The following PTK2B variants were observed in gnomAD, a reference collection of about 807,000 sequenced individuals.
The protein encoded by PTK2B is protein-tyrosine kinase 2-beta.
Under a neutral mutation model 142.9 loss-of-function variants are expected in PTK2B, and 71 were observed. That is an observed-to-expected ratio of 0.50 (90% CI 0.41 to 0.61). The LOEUF (loss-of-function observed/expected upper bound fraction) is 0.61, where lower values mean the gene tolerates loss of function less well. Among genes scored for constraint, PTK2B ranks in the 20% least tolerant of loss-of-function variants. The pLI is 0.00. For missense variants in PTK2B, 1,105 were observed against 1,320.4 expected (o/e 0.84, Z 2.53); for synonymous variants, 519 against 503.4 (o/e 1.03, Z -0.42).
intron 1 of PTK2B, among the ~76,000 whole-genome samples, chr8:27,389,041 G>A (rs770714775): frequency 6.6e-6 from 1 of 152,174 alleles, no homozygotes; most frequent in Non-Finnish European, 1.5e-5. Flanking sequence ...CTGAGGCCCA[G>A]TAGGCAGGTT....
At chr8:27,337,672 G>A (rs1052887098) in intron 1 of PTK2B, among the ~76,000 whole-genome samples, 4 of 152,170 alleles carry the variant, frequency 2.6e-5, no homozygotes, top group South Asian at 2.1e-4. Flanking sequence ...CCTCCATGTT[G>A]TAACATCTAT....
intron 1 of PTK2B, among the ~76,000 whole-genome samples, chr8:27,329,236 G>T (rs180746763): frequency 6.6e-6 from 1 of 152,158 alleles, no homozygotes; most frequent in Non-Finnish European, 1.5e-5. Context: ...GCGTCTGGCT[G>T]TATGCAATCT....
intron 2 of PTK2B, among the ~76,000 whole-genome samples, chr8:27,401,634 A>T (rs2059968): frequency 0.38 from 57,831 of 152,112 alleles, 11,594 homozygotes; most frequent in Middle Eastern, 0.51. Flanking sequence ...AAGAATTGCT[A>T]AAGTTTGGCT....
chr8:27,438,740 A>G (rs974098765), intron 18 of PTK2B, among the ~76,000 whole-genome samples: 5 of 152,062 alleles, frequency 3.3e-5, no homozygotes, highest in African/African-American at 7.2e-5. Context: ...CAAGCTGGAG[A>G]TGGATGAAGG....
chr8:27,420,545 C>A (rs911011226), intron 3 of PTK2B, 112 bp from the exon 4 acceptor site: 8 of 987,870 alleles, frequency 8.1e-6, no homozygotes, highest in Middle Eastern at 2.7e-4. Flanking sequence ...GACTCATGGG[C>A]AGCCCTTCCC....
rs780332905 is a variant in PTK2B at position 27,419,874 on chromosome 8, CCT to C, written c.205-14_205-13del. On this transcript the variant is annotated intron_variant, in intron 2 of 30. Transcript: ENST00000346049. ...CAAAGGTGGGCACCCCTGAGTCATG[CCT>C]CTCTCTTCTCCTCTGCAGGAGATCA... The C allele has an allele frequency of 1.2e-6, 2 of 1,612,890 alleles. No homozygotes were observed. The highest frequency in any genetic ancestry group is 1.3e-5 in the African/African-American group (1 of 74,912).
intron 5 of PTK2B, among the ~76,000 whole-genome samples, chr8:27,427,347 A>G (rs1810148627): frequency 6.6e-6 from 1 of 151,956 alleles, no homozygotes; most frequent in Admixed American, 6.6e-5. Flanking sequence ...TTGCAAAACC[A>G]CTGTACTTGC....
chr8:27,402,249 G>A (rs1237074732), intron 2 of PTK2B, among the ~76,000 whole-genome samples: 1 of 151,994 alleles, frequency 6.6e-6, no homozygotes, highest in Admixed American at 6.6e-5. Context: ...GGAAGAGGGA[G>A]GTGTGAAGAA....
chr8:27,362,298 G>A lies in PTK2B; in HGVS notation c.-37-35250G>A, dbSNP rs180874541. On this transcript the variant is annotated intron_variant, in intron 1 of 30. Coordinates refer to ENST00000346049, the MANE Select transcript of PTK2B (RefSeq NM_173176.3). ...CCTCCCCTCTCCACTTCCTGGGCGT[G>A]ACTCACAGGCAGGCCCTATCGGCAT... 3.3e-5 allele frequency among the ~76,000 whole-genome samples: 5 copies of A among 152,236 alleles called. No individual in the cohort carries two copies. The East Asian group carries it at 9.7e-4, about 29-fold the overall frequency.
At chr8:27,430,221 C>G in intron 6 of PTK2B, 66 bp downstream of exon 6, 4 of 1,580,862 alleles carry the variant, frequency 2.5e-6, no homozygotes, top group Non-Finnish European at 3.5e-6. Flanking sequence ...TCCTCCTCAC[C>G]CTCTCCTCCA....
At chr8:27,397,408 T>C (rs1481157155) in intron 1 of PTK2B, 140 bp from the exon 2 acceptor site, 2 of 664,864 alleles carry the variant, frequency 3.0e-6, no homozygotes, top group East Asian at 2.7e-5. Context: ...GCCAGGTGCC[T>C]TGCAGGGGAG....
chr8:27,451,978 G>A (rs529822584), intron 27 of PTK2B: 17 of 180,452 alleles, frequency 9.4e-5, no homozygotes, highest in Non-Finnish European at 1.7e-4. Flanking sequence ...GGAGGGAAGA[G>A]CCAGCAGTAA....
rs776535347 is a variant in PTK2B at position 27,454,488 on chromosome 8, A to G, written c.2734-43A>G. Reference sequence around the variant, plus strand: ...TCCCAGGGGAAACCTGGCTCTCTCCAATAGCTAGGAGTGGCGGCCATCCTG... The same window carrying G: ...TCCCAGGGGAAACCTGGCTCTCTCCGATAGCTAGGAGTGGCGGCCATCCTG... On this transcript the variant is annotated intron_variant, in intron 29 of 30. Transcript: ENST00000346049. 4.4e-6 allele frequency: 7 copies of G among 1,596,024 alleles called. No homozygotes were observed. In the African/African-American group the frequency reaches 8.1e-5, roughly 18 times the overall value.
upstream of PTK2B, chr8:27,311,293 C>T (rs573970175): frequency 1.2e-5 from 17 of 1,444,270 alleles, no homozygotes; most frequent in Non-Finnish European, 1.5e-5. Context: ...CCCACCCGCC[C>T]GGCTGCCAAC....
chr8:27,404,782 A>G (rs78906448), intron 2 of PTK2B, among the ~76,000 whole-genome samples: 2,755 of 152,214 alleles, frequency 0.018, 94 homozygotes, highest in African/African-American at 0.062. Context: ...AGTTTAATCT[A>G]TTGTTACTCA....
In PTK2B at chr8:27,437,488, T is replaced by C; in HGVS notation, c.1519T>C (p.Tyr507His). 3 of 1,606,218 alleles carry C rather than the reference T, an allele frequency of 1.9e-6. No individual in the cohort carries two copies. The highest frequency in any genetic ancestry group is 2.6e-6 in the Non-Finnish European group (3 of 1,175,842). The change falls in exon 17 of 31, where the codon TAT (tyrosine) becomes CAT (histidine). Residue 507 changes from tyrosine (Y) to histidine (H), a missense_variant. Coordinates refer to ENST00000346049, the MANE Select transcript of PTK2B (RefSeq NM_173176.3). ...CTGGATCATCATGGAATTGTATCCC[T>C]ATGGGGAGGTGAGCTGGAGGACCCT... is the stretch of plus-strand genomic sequence containing the variant. Reference protein sequence around the residue: ...PTWIIMELYPYGELGHYLERN... With the variant: ...PTWIIMELYPHGELGHYLERN...
chr8:27,448,498 C>A (rs976108186), intron 24 of PTK2B, among the ~76,000 whole-genome samples: 7 of 152,212 alleles, frequency 4.6e-5, no homozygotes, highest in Admixed American at 1.3e-4. Flanking sequence ...TGGAAGGCAT[C>A]AGGATGTCTC....
Position 27,397,771 on chromosome 8 carries a change from G to C in PTK2B, c.187G>C (p.Val63Leu), listed in dbSNP as rs1160887487. ...AAACTTCAAACTGGTCAAATGCACTGTCCAGACGGAGATCCGGGTAAGTGT... is the reference window on the plus strand; with the variant it reads ...AAACTTCAAACTGGTCAAATGCACTCTCCAGACGGAGATCCGGGTAAGTGT... ...GKNFKLVKCTVQTEIREIITS... is the reference protein window; with the variant it reads ...GKNFKLVKCTLQTEIREIITS... Residue 63 changes from valine (V) to leucine (L), a missense_variant, in exon 2 of 31, where the codon GTC becomes CTC. Transcript: ENST00000346049. 1.2e-6 allele frequency: 2 copies of C among 1,614,200 alleles called. No homozygotes were observed. Among genetic ancestry groups the C allele is most frequent in the Admixed American group, 1.7e-5 (1 of 60,034 alleles).
At chr8:27,446,047 G>T in intron 24 of PTK2B, 128 bp downstream of exon 24, 1 of 1,377,446 alleles carries the variant, frequency 7.3e-7, no homozygotes, top group Non-Finnish European at 9.8e-7. Flanking sequence ...CACCAGTCAG[G>T]CCACTGAGGT....
Sources: allele counts gnomAD v4.1 joint callset (sites outside exome capture counted in the v4.1 genomes callset), GRCh38; gene constraint gnomAD v4.1.1; transcripts MANE v1.5; gene names NCBI Gene and HGNC (gene_info 2026-07-23, HGNC 2026-07-21).